The following RASGRP2 variants were observed in gnomAD, a reference collection of about 807,000 sequenced individuals.
The protein encoded by RASGRP2 is RAS guanyl releasing protein 2.
In RASGRP2, 44 loss-of-function variants were observed where a neutral mutation model predicts 71.0. The observed-to-expected ratio is 0.62, with a 90% CI of 0.49 to 0.80. RASGRP2 has a LOEUF of 0.80. Among genes scored for constraint, RASGRP2 ranks in the 30% least tolerant of loss-of-function variants. The pLI, the probability that RASGRP2 is intolerant of heterozygous loss-of-function variation, is 0.00. For synonymous variants in RASGRP2, 350 were observed against 330.7 expected (o/e 1.06, Z -0.63); for missense variants, 663 against 813.4 (o/e 0.82, Z 2.25).
At chr11:64,729,121 C>A (rs1014192187) in intron 14 of RASGRP2, 79 bp from the exon 15 acceptor site, 5 of 1,410,616 alleles carry the variant, frequency 3.5e-6, no homozygotes, top group Middle Eastern at 3.5e-4. Flanking sequence ...CTTGTGCCCC[C>A]CTACCAGGAA....
intron 12 of RASGRP2, among the ~76,000 whole-genome samples, chr11:64,732,598 G>A (rs746617221): frequency 5.3e-5 from 8 of 152,128 alleles, no homozygotes; most frequent in South Asian, 2.1e-4. Flanking sequence ...TCGAGACCAC[G>A]GTGAAACCCC....
chr11:64,738,254 C>T (rs1366295979), intron 8 of RASGRP2, among the ~76,000 whole-genome samples: 1 of 152,134 alleles, frequency 6.6e-6, no homozygotes, highest in East Asian at 1.9e-4. Flanking sequence ...TGTTTTGGAC[C>T]GCATACCTAC....
chr11:64,740,050 A>G lies in RASGRP2; in HGVS notation c.485T>C (p.Leu162Pro). The G allele has an allele frequency of 6.2e-7, 1 of 1,614,096 alleles. No individual in the cohort carries two copies. The highest frequency in any genetic ancestry group is 8.5e-7 in the Non-Finnish European group (1 of 1,180,012). The change falls in exon 6 of 17, where the codon CTC (leucine) becomes CCC (proline). Residue 162 changes from leucine to proline, a missense_variant. Physicochemically the swap from Leu to Pro is moderately conservative, Grantham distance 98. Coordinates refer to ENST00000394432, the MANE Select transcript of RASGRP2 (RefSeq NM_001098671.2). ...HLEPMELAEH[L>P]TYLEYRSFCK... ...GAAGGAGCGATACTCCAAGTAGGTG[A>G]GATGCTCCGCCAGCTCCATGGGCTC...
At chr11:64,741,575 C>A in intron 3 of RASGRP2, 74 bp from the exon 4 acceptor site, 1 of 1,349,768 alleles carries the variant, frequency 7.4e-7, no homozygotes, top group Non-Finnish European at 1.0e-6. Context: ...GGGGGCGGGG[C>A]CTGGTTCTAG....
In RASGRP2 at chr11:64,727,388, A is replaced by G. The variant is rs567473539; in HGVS notation, c.1772-28T>C. ...GCTGGGAGGGGGATTGCTGCAGAAC[A>G]CACTTCCAGGTCCCTGGGACTTCAT... On this transcript the variant is annotated intron_variant, in intron 15 of 16. Coordinates refer to ENST00000394432, the MANE Select transcript of RASGRP2 (RefSeq NM_001098671.2). 4.4e-5 allele frequency: 71 copies of G among 1,611,850 alleles called. No individual in the cohort carries two copies. In the South Asian group the frequency reaches 7.5e-4, roughly 17 times the overall value.
In RASGRP2 at chr11:64,739,121, A is replaced by G. The variant is rs1005435085; in HGVS notation, c.813+239T>C. Among the ~76,000 whole-genome samples, 16 of 150,702 alleles carry G rather than the reference A, an allele frequency of 1.1e-4. No homozygotes were observed. The highest frequency in any genetic ancestry group is 3.7e-4 in the African/African-American group (15 of 40,556). ...ACCACTGAACTCCAGTCTGGACAAC[A>G]GAGAGAGAGACCCTGTCTTAAAAAA... On this transcript the variant is annotated intron_variant, in intron 8 of 16. Transcript: ENST00000394432. This position sits in a 1 kb window ranked among gnomAD's most constrained non-coding sequence, Gnocchi z 4.2.
At chr11:64,740,326 C>G (rs547015842) in intron 5 of RASGRP2, 163 bp from the exon 6 acceptor site, 1 of 838,520 alleles carries the variant, frequency 1.2e-6, no homozygotes, top group Admixed American at 2.0e-5. Context: ...TCATCTCCCC[C>G]GACCCCGTCA....
rs2057962659 is a variant in RASGRP2, at chr11:64,737,003, G to A, written c.845C>T (p.Ala282Val). The A allele has an allele frequency of 2.0e-5, 33 of 1,613,700 alleles. 1 individual carries two copies. The highest frequency in any genetic ancestry group is 2.8e-5 in the Non-Finnish European group (33 of 1,180,022). ...LWEGLTELVT[A>V]TGNYGNYRRR... ...CCGGTAGTTGCCATAGTTGCCTGTC[G>A]CCGTCACTAGTTCCGTGAGACCCTC... Residue 282 changes from alanine to valine, a missense_variant, in exon 9 of 17, where the codon GCG (alanine) becomes GTG (valine). Physicochemically the swap from Ala to Val is moderately conservative, Grantham distance 64. Coordinates refer to ENST00000394432, the MANE Select transcript of RASGRP2 (RefSeq NM_001098671.2).
Position 64,735,183 on chromosome 11 carries a change from T to A in RASGRP2, c.1341A>T (p.Ser447=). The A allele has an allele frequency of 6.2e-7, 1 of 1,614,126 alleles. No individual in the cohort carries two copies. Among genetic ancestry groups the A allele is most frequent in the Non-Finnish European group, 8.5e-7 (1 of 1,180,022 alleles). The change falls in exon 12 of 17, where the codon TCA becomes TCT. Residue 447 remains serine, a synonymous_variant. Transcript: ENST00000394432. This position sits in a 1 kb window ranked among gnomAD's most constrained non-coding sequence, Gnocchi z 4.2. ...CACGGATGATCTGGAATTCTTCCTG[T>A]GAGATGTGGCCATCCCCATCGACGT... ...NFDVDGDGHI[S]QEEFQIIRGN...
At position 64,743,978 on chromosome 11, in the gene RASGRP2, C is replaced by T; in HGVS notation, c.-72+25G>A. ...CACCCACACCCTGTGCACACCTGCACGAAGAAACCCTCAGGCACACATACC... is the reference window on the plus strand; with the variant it reads ...CACCCACACCCTGTGCACACCTGCATGAAGAAACCCTCAGGCACACATACC... On this transcript the variant is annotated intron_variant, in intron 1 of 16. Coordinates refer to ENST00000394432, the MANE Select transcript of RASGRP2 (RefSeq NM_001098671.2). This position sits in a 1 kb window ranked among gnomAD's most constrained non-coding sequence, Gnocchi z 4.9. 6 of 989,248 alleles carry T rather than the reference C, an allele frequency of 6.1e-6. No homozygotes were observed. The highest frequency in any genetic ancestry group is 7.2e-6 in the Non-Finnish European group (6 of 831,418). 61.3% of individuals were successfully genotyped at this position (989,248 alleles called of 1,614,324 possible). A position where few individuals can be genotyped will look rare whatever the true frequency, so the allele number is the denominator to read the frequency against.
intron 12 of RASGRP2, among the ~76,000 whole-genome samples, chr11:64,734,589 C>T (rs1057414820): frequency 6.6e-6 from 1 of 152,004 alleles, no homozygotes; most frequent in African/African-American, 2.4e-5. Flanking sequence ...AAAAATAAAT[C>T]GACCTGAGAT....
rs982295335 is a variant in RASGRP2 at position 64,743,751 on chromosome 11, G to T, written c.-72+252C>A. The T allele has an allele frequency of 1.6e-5, 5 of 311,456 alleles. No individual in the cohort carries two copies. Among genetic ancestry groups the T allele is most frequent in the South Asian group, 4.8e-5 (2 of 41,998 alleles). The allele number at this position is 311,456 out of a possible 1,614,324, so 19.3% of individuals were successfully genotyped here. A position where few individuals can be genotyped will look rare whatever the true frequency, so the allele number is the denominator to read the frequency against. ...AGGGTGTCCAGAGGGGGGCGCTCGC[G>T]CCAAGGGTGGCCGGTGGGTGCATGA... On this transcript the variant is annotated intron_variant, in intron 1 of 16. Coordinates refer to ENST00000394432, the MANE Select transcript of RASGRP2 (RefSeq NM_001098671.2). This position sits in a 1 kb window ranked among gnomAD's most constrained non-coding sequence, Gnocchi z 4.9.
intron 12 of RASGRP2, among the ~76,000 whole-genome samples, chr11:64,730,748 G>C (rs2057738750): frequency 6.6e-6 from 1 of 152,228 alleles, no homozygotes; most frequent in Non-Finnish European, 1.5e-5. Context: ...ACAGACCTCA[G>C]TTCAAATCGC....
intron 12 of RASGRP2, among the ~76,000 whole-genome samples, chr11:64,732,051 G>A (rs1460361469): frequency 6.6e-6 from 1 of 152,192 alleles, no homozygotes; most frequent in Non-Finnish European, 1.5e-5. Context: ...GCAGGAGGAT[G>A]GTTAGGGAAA....
At chr11:64,741,144 G>A in intron 4 of RASGRP2, 65 bp from the exon 5 acceptor site, 2 of 1,582,524 alleles carry the variant, frequency 1.3e-6, no homozygotes, top group South Asian at 1.1e-5. Context: ...GCTGCAAGGA[G>A]CTATTTGAGA....
At chr11:64,734,528 T>C (rs745347737) in intron 12 of RASGRP2, among the ~76,000 whole-genome samples, 23 of 152,120 alleles carry the variant, frequency 1.5e-4, no homozygotes, top group Admixed American at 6.5e-4. Context: ...CCGTGGATTT[T>C]TGTAATGTGG....
Position 64,739,664 on chromosome 11 carries a change from A to T in RASGRP2, c.668T>A (p.Val223Asp). The T allele has an allele frequency of 6.2e-7, 1 of 1,613,880 alleles. No individual in the cohort carries two copies. Among genetic ancestry groups the T allele is most frequent in the Non-Finnish European group, 8.5e-7 (1 of 1,179,914 alleles). ...SKPTAPQRAL[V>D]ITHFVHVAEK... ...CGCCACGTGGACAAAGTGTGTGATG[A>T]CCAGGGCCCGCTGCGGGGCTGTGGG... Residue 223 changes from valine (V) to aspartate (D), a missense_variant, in exon 7 of 17, where the codon GTC becomes GAC. By Grantham distance (152) the Val-to-Asp change is radical. Coordinates refer to ENST00000394432, the MANE Select transcript of RASGRP2 (RefSeq NM_001098671.2). This position sits in a 1 kb window ranked among gnomAD's most constrained non-coding sequence, Gnocchi z 4.2.
intron 12 of RASGRP2, among the ~76,000 whole-genome samples, chr11:64,732,380 C>G (rs1366095189): frequency 6.6e-6 from 1 of 151,978 alleles, no homozygotes; most frequent in Non-Finnish European, 1.5e-5. Context: ...AAAATTAGGC[C>G]AGGTGCGGTG....
chr11:64,727,472 C>CA, intron 15 of RASGRP2, 112 bp from the exon 16 acceptor site: 2 of 910,162 alleles, frequency 2.2e-6, no homozygotes, highest in Non-Finnish European at 3.5e-6. Context: ...ACCCACCCAC[C>CA]AAAAATCAAT....
Sources: gnomAD v4.1 joint callset for allele counts (sites outside exome capture counted in the v4.1 genomes callset) on GRCh38, gnomAD v4.1.1 for gene constraint, Gnocchi (gnomAD v3.1) non-coding constraint, MANE v1.5 for transcripts, NCBI Gene and HGNC (gene_info 2026-07-23, HGNC 2026-07-21) for gene names.